Variants in ROS1 observed in about 807,000 individuals in gnomAD.
The protein encoded by ROS1 is proto-oncogene tyrosine-protein kinase ROS.
Under a neutral mutation model 273.5 loss-of-function variants are expected in ROS1, and 263 were observed. The ratio of observed to expected loss-of-function variants is 0.96; its 90% CI spans 0.87 to 1.06. The LOEUF (loss-of-function observed/expected upper bound fraction) is 1.06. Ranked by LOEUF, ROS1 falls within the 50% of genes least tolerant of loss-of-function variation. The probability of loss-of-function intolerance (pLI) is 0.00; values close to 1 mark genes in which losing one functional copy is unlikely to be tolerated. For synonymous variants in ROS1, 1,008 were observed against 954.1 expected (o/e 1.06, Z -1.04); for missense variants, 2,833 against 2,751.1 (o/e 1.03, Z -0.67).
intron 17 of ROS1, 62 bp downstream of exon 17, chr6:117,383,255 G>A: frequency 7.9e-7 from 1 of 1,261,224 alleles, no homozygotes; most frequent in East Asian, 2.3e-5. Flanking sequence ...GCGAGAGAAA[G>A]TATTATCATA....
At chr6:117,324,634 A>G (rs1007044756) in intron 34 of ROS1, among the ~76,000 whole-genome samples, 1 of 152,154 alleles carries the variant, frequency 6.6e-6, no homozygotes, top group African/African-American at 2.4e-5. Context: ...GCAGAGAGCA[A>G]CAAACCACTG....
intron 32 of ROS1, 152 bp from the exon 33 acceptor site, chr6:117,329,598 C>G: frequency 1.8e-6 from 1 of 566,216 alleles, no homozygotes. Flanking sequence ...CAACTCCGTT[C>G]AGAGGTTCCT....
chr6:117,299,046 T>C (rs376280423), intron 43 of ROS1, among the ~76,000 whole-genome samples: 15 of 152,268 alleles, frequency 9.9e-5, no homozygotes, highest in Admixed American at 5.9e-4. Flanking sequence ...GTGCCAGTTA[T>C]AATTCCCAAG....
At chr6:117,358,309 T>C (rs568324430) in intron 24 of ROS1, among the ~76,000 whole-genome samples, 1 of 152,108 alleles carries the variant, frequency 6.6e-6, no homozygotes, top group Non-Finnish European at 1.5e-5. Context: ...CATTTCCATA[T>C]GAATTATCCC....
At chr6:117,325,549 A>C (rs1562273282) in intron 34 of ROS1, among the ~76,000 whole-genome samples, 2 of 152,196 alleles carry the variant, frequency 1.3e-5, no homozygotes, top group African/African-American at 4.8e-5. Flanking sequence ...TATTTCAGAG[A>C]GGGATTAAGT....
intron 2 of ROS1, 28 bp from the exon 3 acceptor site, chr6:117,416,345 G>A (rs375729318): frequency 6.8e-6 from 10 of 1,472,922 alleles, no homozygotes; most frequent in South Asian, 1.1e-5. Flanking sequence ...AGACAATGGT[G>A]AGTGATTGAA....
chr6:117,321,446 T>A lies in ROS1; in HGVS notation c.5624-52A>T, dbSNP rs368010208. ...ACAAAATAAAATATTGCTTCTTTTT[T>A]CCTTTAGGAAATGTTAACAGTGCAT... On this transcript the variant is annotated intron_variant, in intron 35 of 43. Coordinates refer to ENST00000368507, the MANE Select transcript of ROS1 (RefSeq NM_001378902.1). 59 of 1,506,150 alleles carry A rather than the reference T, an allele frequency of 3.9e-5. No individual in the cohort carries two copies. The African/African-American group carries it at 7.7e-4, about 20-fold the overall frequency. The allele number at this position is 1,506,150 out of a possible 1,614,324, so 93.3% of individuals were successfully genotyped here. A position where few individuals can be genotyped will look rare whatever the true frequency, so the allele number is the denominator to read the frequency against.
chr6:117,383,152 CG>C (rs750039201), intron 17 of ROS1, among the ~76,000 whole-genome samples, 164 bp downstream of exon 17: 45 of 116,290 alleles, frequency 3.9e-4, no homozygotes, highest in Middle Eastern at 4.3e-3. Context: ...TCAAATAAGG[CG>C]CTTTTTTTTC....
rs746197109 is a variant in ROS1 at position 117,409,581 on chromosome 6, C to A, written c.316+1G>T. 1 of 1,612,262 alleles carries A rather than the reference C, an allele frequency of 6.2e-7. No individual in the cohort carries two copies. Among genetic ancestry groups the A allele is most frequent in the South Asian group, 1.1e-5 (1 of 91,034 alleles). On this transcript the variant is annotated splice_donor_variant, in intron 5 of 43. Transcript: ENST00000368507. LOFTEE classifies it high-confidence loss of function. ...TTTAAAAGTCGTGTGTGTCCTCTTA[C>A]CCAGTACTTCCTCTTCATATGCACC...
intron 8 of ROS1, 71 bp downstream of exon 8, chr6:117,396,844 A>G: frequency 1.8e-6 from 2 of 1,100,646 alleles, no homozygotes; most frequent in East Asian, 2.3e-5. Context: ...TTTGATACCC[A>G]TATTTCTTAA....
At chr6:117,331,840 A>G (rs1296265656) in intron 32 of ROS1, among the ~76,000 whole-genome samples, 1 of 152,230 alleles carries the variant, frequency 6.6e-6, no homozygotes, top group Non-Finnish European at 1.5e-5. Flanking sequence ...TCCTGAAATA[A>G]GCACTAAATA....
intron 32 of ROS1, 133 bp from the exon 33 acceptor site, chr6:117,329,579 G>A (rs913875523): frequency 3.7e-5 from 21 of 571,076 alleles, no homozygotes; most frequent in East Asian, 1.4e-4. Flanking sequence ...CAAGATGGCC[G>A]ACTAGAAGCA....
At chr6:117,400,735 C>A (rs1773866732) in intron 7 of ROS1, among the ~76,000 whole-genome samples, 1 of 152,188 alleles carries the variant, frequency 6.6e-6, no homozygotes, top group Non-Finnish European at 1.5e-5. Context: ...TCCCAGCCAC[C>A]AAATATTAAG....
intron 12 of ROS1, among the ~76,000 whole-genome samples, chr6:117,390,050 T>G (rs1257178137): frequency 6.6e-6 from 1 of 152,252 alleles, no homozygotes; most frequent in African/African-American, 2.4e-5. Flanking sequence ...TTAGAAAATT[T>G]CAGCCTCACT....
chr6:117,328,703 G>A (rs1776823392), intron 33 of ROS1: 2 of 609,518 alleles, frequency 3.3e-6, no homozygotes, highest in Non-Finnish European at 6.5e-6. Context: ...CCCTCAAGTT[G>A]GCATGAAATC....
chr6:117,296,041 A>G (rs530524316), intron 43 of ROS1, among the ~76,000 whole-genome samples: 1 of 152,332 alleles, frequency 6.6e-6, no homozygotes, highest in East Asian at 1.9e-4. Context: ...CTGCACTCCT[A>G]TGTTTATTGC....
chr6:117,331,425 A>G (rs1170957894), intron 32 of ROS1, among the ~76,000 whole-genome samples: 2 of 152,230 alleles, frequency 1.3e-5, no homozygotes, highest in African/African-American at 4.8e-5. Flanking sequence ...CCTTCGGGAT[A>G]TTATCCAGGA....
chr6:117,383,307 A>T lies in ROS1; in HGVS notation c.2481+10T>A. 6.2e-7 allele frequency: 1 copy of T among 1,603,728 alleles called. No individual in the cohort carries two copies. The highest frequency in any genetic ancestry group is 8.5e-7 in the Non-Finnish European group (1 of 1,170,982). The stretch of plus-strand genomic sequence containing the variant: ...GTATTACTAAATGATCAGATCTTTT[A>T]ATTTGTCACCTTTTTCCCAGAAAAC... On this transcript the variant is annotated intron_variant, in intron 17 of 43. Coordinates refer to ENST00000368507, the MANE Select transcript of ROS1 (RefSeq NM_001378902.1).
At position 117,369,932 on chromosome 6, in the gene ROS1, C is replaced by CAT. The variant is rs752543515; in HGVS notation, c.2583-3644_2583-3643dup. Among the ~76,000 whole-genome samples, 3 of 151,750 alleles carry CAT rather than the reference C, an allele frequency of 2.0e-5. No homozygotes were observed. In the South Asian group the frequency reaches 6.2e-4, roughly 32 times the overall value. On this transcript the variant is annotated intron_variant, in intron 18 of 43. Transcript: ENST00000368507. Reference sequence around the variant, plus strand: ...GTGCATACACATATATATACACATCCATATATATGTATATGTACATGCATA... The same window carrying CAT: ...GTGCATACACATATATATACACATCCATATATATATGTATATGTACATGCATA...
Sources: gnomAD v4.1 joint callset for allele counts (sites outside exome capture counted in the v4.1 genomes callset) on GRCh38, gnomAD v4.1.1 for gene constraint, MANE v1.5 for transcripts, NCBI Gene and HGNC (gene_info 2026-07-23, HGNC 2026-07-21) for gene names.